Variants in RIMS1 observed in about 807,000 individuals in gnomAD.
RIMS1 encodes regulating synaptic membrane exocytosis protein 1.
In RIMS1, 83 loss-of-function variants were observed where a neutral mutation model predicts 214.1. That is an observed-to-expected ratio of 0.39 (90% CI 0.32 to 0.47). The LOEUF (loss-of-function observed/expected upper bound fraction) is 0.47. Ranked by LOEUF, RIMS1 falls within the 20% of genes least tolerant of loss-of-function variation. The probability of loss-of-function intolerance (pLI) is 0.99; values close to 1 mark genes in which losing one functional copy is unlikely to be tolerated. For missense variants in RIMS1, 2,050 were observed against 2,161.8 expected (o/e 0.95, Z 1.03); for synonymous variants, 793 against 786.8 (o/e 1.01, Z -0.13).
At chr6:72,280,256 G>A (rs554070389) in intron 23 of RIMS1, among the ~76,000 whole-genome samples, 1 of 151,920 alleles carries the variant, frequency 6.6e-6, no homozygotes, top group South Asian at 2.1e-4. Flanking sequence ...CTGACCACAG[G>A]GAACTTAAAG....
chr6:72,205,981 T>G (rs1377562762), intron 6 of RIMS1, among the ~76,000 whole-genome samples: 1 of 152,152 alleles, frequency 6.6e-6, no homozygotes, highest in Admixed American at 6.5e-5. Flanking sequence ...TTTGAAAAAA[T>G]GATTACATAT....
At chr6:72,397,337 G>A (rs1383689070) in intron 31 of RIMS1, among the ~76,000 whole-genome samples, 1 of 152,148 alleles carries the variant, frequency 6.6e-6, no homozygotes, top group African/African-American at 2.4e-5. Flanking sequence ...GGGCTACATA[G>A]TGCTCCTTAA....
chr6:72,326,176 G>A (rs1286306852), intron 28 of RIMS1, among the ~76,000 whole-genome samples: 3 of 151,868 alleles, frequency 2.0e-5, no homozygotes, highest in Non-Finnish European at 4.4e-5. Flanking sequence ...GGTTCTTTTA[G>A]TGGATTGAAT....
chr6:72,280,327 A>C (rs150318390), intron 23 of RIMS1, among the ~76,000 whole-genome samples: 174 of 152,176 alleles, frequency 1.1e-3, no homozygotes, highest in Admixed American at 3.4e-3. Flanking sequence ...CACAATTAAT[A>C]GTTTCAGTAG....
intron 1 of RIMS1, among the ~76,000 whole-genome samples, chr6:71,941,105 T>G (rs1405970883): frequency 2.0e-5 from 3 of 152,144 alleles, no homozygotes; most frequent in Non-Finnish European, 4.4e-5. Context: ...TCATGATGTA[T>G]CAATGTAGTT....
chr6:72,337,227 T>C (rs2096871295), intron 29 of RIMS1, among the ~76,000 whole-genome samples: 1 of 151,792 alleles, frequency 6.6e-6, no homozygotes. Flanking sequence ...CTGTTGATTT[T>C]AGTGGCCCAG....
At chr6:72,171,221 T>C (rs2046978449) in intron 4 of RIMS1, among the ~76,000 whole-genome samples, 1 of 151,954 alleles carries the variant, frequency 6.6e-6, no homozygotes, top group African/African-American at 2.4e-5. Flanking sequence ...TTAGATAGTG[T>C]GTAAACTAAA....
intron 2 of RIMS1, among the ~76,000 whole-genome samples, chr6:72,093,937 G>A (rs1414185544): frequency 6.6e-6 from 1 of 152,096 alleles, no homozygotes; most frequent in Non-Finnish European, 1.5e-5. Context: ...TCAGAGATAT[G>A]TTACTTTTCT....
At chr6:72,268,137 G>A (rs2081413093) in intron 22 of RIMS1, among the ~76,000 whole-genome samples, 1 of 152,106 alleles carries the variant, frequency 6.6e-6, no homozygotes, top group African/African-American at 2.4e-5. Flanking sequence ...TATTGGTTTG[G>A]AGGATAGAGA....
chr6:72,308,588 TAAAAA>T (rs1478512935), intron 27 of RIMS1, among the ~76,000 whole-genome samples: 1 of 152,034 alleles, frequency 6.6e-6, no homozygotes, highest in Non-Finnish European at 1.5e-5. Flanking sequence ...AAAAATAAAA[TAAAAA>T]GAGGTGGCTA....
chr6:72,070,796 A>G (rs1355386148), intron 2 of RIMS1, among the ~76,000 whole-genome samples: 1 of 152,196 alleles, frequency 6.6e-6, no homozygotes, highest in East Asian at 1.9e-4. Flanking sequence ...GTGCATGTCA[A>G]GGAGCTTTGA....
Position 72,267,313 on chromosome 6 carries a change from T to C in RIMS1, c.3398+1264T>C, listed in dbSNP as rs1419127165. 7.9e-5 allele frequency among the ~76,000 whole-genome samples: 12 copies of C among 152,234 alleles called. No homozygotes were observed. The East Asian group carries it at 2.3e-3, about 29-fold the overall frequency. ...TAGTTATTATTTTCTTATATGTTTC[T>C]GGTTAGTAGTAAAACAAGGATAGAA... On this transcript the variant is annotated intron_variant, in intron 22 of 33. Coordinates refer to ENST00000521978, the MANE Select transcript of RIMS1 (RefSeq NM_014989.7).
At chr6:72,023,117 A>C (rs2151951440) in intron 2 of RIMS1, among the ~76,000 whole-genome samples, 1 of 152,286 alleles carries the variant, frequency 6.6e-6, no homozygotes, top group East Asian at 1.9e-4. Context: ...GAGAAATTCA[A>C]CAAAGGAAAA....
intron 2 of RIMS1, among the ~76,000 whole-genome samples, chr6:72,010,414 T>C (rs1352686106): frequency 2.0e-5 from 3 of 152,260 alleles, no homozygotes; most frequent in African/African-American, 7.2e-5. Flanking sequence ...CTTTGAAAAC[T>C]GGCACAAGAC....
At chr6:72,122,445 A>G (rs545196255) in intron 4 of RIMS1, among the ~76,000 whole-genome samples, 1 of 151,466 alleles carries the variant, frequency 6.6e-6, no homozygotes, top group Non-Finnish European at 1.5e-5. Flanking sequence ...TGACCTCATG[A>G]TCCACCCGCC....
intron 4 of RIMS1, among the ~76,000 whole-genome samples, chr6:72,115,833 C>T (rs917932096): frequency 6.6e-6 from 1 of 151,506 alleles, no homozygotes; most frequent in Non-Finnish European, 1.5e-5. Context: ...TCATTTGAAC[C>T]CAGCTTTTTT....
At chr6:72,222,753 T>G (rs2058909548) in intron 6 of RIMS1, among the ~76,000 whole-genome samples, 1 of 152,204 alleles carries the variant, frequency 6.6e-6, no homozygotes, top group South Asian at 2.1e-4. Flanking sequence ...ATAAAGGGAT[T>G]TCATCCTTGT....
intron 1 of RIMS1, among the ~76,000 whole-genome samples, chr6:71,891,983 T>C (rs1023173216): frequency 1.3e-5 from 2 of 152,174 alleles, no homozygotes; most frequent in African/African-American, 4.8e-5. Flanking sequence ...ATAAAGTCAA[T>C]TGTATTGCAT....
At chr6:72,092,285 C>CT (rs1174582597) in intron 2 of RIMS1, among the ~76,000 whole-genome samples, 12 of 139,020 alleles carry the variant, frequency 8.6e-5, no homozygotes, top group Non-Finnish European at 1.6e-4. Context: ...CCCTCCCTCC[C>CT]TCCCTCCCTT....
Sources: gnomAD v4.1 joint callset for allele counts (sites outside exome capture counted in the v4.1 genomes callset) on GRCh38, gnomAD v4.1.1 for gene constraint, MANE v1.5 for transcripts, NCBI Gene and HGNC (gene_info 2026-07-23, HGNC 2026-07-21) for gene names.